GRM4: variants seen among roughly 807,000 people sequenced by gnomAD.
GRM4 encodes glutamate metabotropic receptor 4, also known as metabotropic glutamate receptor 4.
GRM4 carries 28 observed loss-of-function variants against 81.7 expected under a neutral mutation model. That is an observed-to-expected ratio of 0.34 (90% CI 0.25 to 0.47). The LOEUF (loss-of-function observed/expected upper bound fraction) is 0.47, where lower values mean the gene tolerates loss of function less well. Ranked by LOEUF, GRM4 falls within the 20% of genes least tolerant of loss-of-function variation. The pLI is 1.00. For missense variants in GRM4, 948 were observed against 1,290.0 expected (o/e 0.73, Z 4.06); for synonymous variants, 488 against 528.8 (o/e 0.92, Z 1.06).
At chr6:34,044,340 A>G (rs1322510295) in intron 6 of GRM4, among the ~76,000 whole-genome samples, 2 of 149,922 alleles carry the variant, frequency 1.3e-5, no homozygotes, top group African/African-American at 4.9e-5. Flanking sequence ...ACACAGACAT[A>G]CATACATACA....
intron 3 of GRM4, among the ~76,000 whole-genome samples, chr6:34,072,598 CCACACACA>C: frequency 6.9e-6 from 1 of 145,126 alleles, no homozygotes; most frequent in African/African-American, 2.7e-5. Flanking sequence ...CAGATACAGA[CCACACACA>C]CACACACACA....
chr6:34,127,947 G>C (rs180985346), intron 2 of GRM4, among the ~76,000 whole-genome samples: 4 of 152,260 alleles, frequency 2.6e-5, no homozygotes, highest in African/African-American at 9.6e-5. Flanking sequence ...CCATAGCCCC[G>C]GCTCCAGAAG....
At chr6:34,145,522 G>C (rs1770891498) in intron 1 of GRM4, among the ~76,000 whole-genome samples, 1 of 152,238 alleles carries the variant, frequency 6.6e-6, no homozygotes, top group Non-Finnish European at 1.5e-5. Context: ...CGGGCGCCTG[G>C]CGGCGCCGCA....
intron 10 of GRM4, among the ~76,000 whole-genome samples, chr6:34,024,024 C>T (rs149943252): frequency 3.3e-5 from 5 of 152,288 alleles, no homozygotes; most frequent in African/African-American, 9.6e-5. Context: ...CCCTGACCCT[C>T]GGTCAGGATC....
intron 1 of GRM4, among the ~76,000 whole-genome samples, chr6:34,144,677 G>A (rs890241471): frequency 3.9e-5 from 6 of 152,050 alleles, no homozygotes; most frequent in Admixed American, 1.3e-4. Context: ...AGACTGCCGG[G>A]AAGAGGTGCA....
chr6:34,100,232 G>A, intron 2 of GRM4: 1 of 159,780 alleles, frequency 6.3e-6, no homozygotes, highest in Non-Finnish European at 1.3e-5. Flanking sequence ...TGCCACCCCA[G>A]GGCCCTTGGC....
intron 1 of GRM4, among the ~76,000 whole-genome samples, chr6:34,139,779 C>T (rs1409451735): frequency 2.6e-5 from 4 of 152,338 alleles, no homozygotes; most frequent in East Asian, 3.9e-4. Flanking sequence ...GAGTGGCACT[C>T]GGACCTCGCA....
chr6:34,043,794 C>G (rs1765128239), intron 6 of GRM4, among the ~76,000 whole-genome samples: 1 of 152,168 alleles, frequency 6.6e-6, no homozygotes, highest in South Asian at 2.1e-4. Flanking sequence ...AGCCCCCTCA[C>G]CAGGGTAACC....
chr6:34,038,122 G>A (rs1436714663), intron 8 of GRM4, among the ~76,000 whole-genome samples: 6 of 152,208 alleles, frequency 3.9e-5, no homozygotes, highest in Admixed American at 2.0e-4. Flanking sequence ...GAGGACACGG[G>A]GCGATGGTGA....
intron 1 of GRM4, among the ~76,000 whole-genome samples, chr6:34,134,280 C>T (rs937128919): frequency 2.0e-5 from 3 of 152,192 alleles, no homozygotes; most frequent in African/African-American, 7.2e-5. Context: ...GCCTGAGTCA[C>T]GCAGGGAGTG....
chr6:34,126,417 C>T (rs1369506724), intron 2 of GRM4, among the ~76,000 whole-genome samples: 2 of 152,132 alleles, frequency 1.3e-5, no homozygotes, highest in Non-Finnish European at 2.9e-5. Flanking sequence ...CAGCCCCCAC[C>T]CCCAACATTT....
At chr6:34,094,847 GC>G (rs535286371) in intron 2 of GRM4, among the ~76,000 whole-genome samples, 1 of 152,196 alleles carries the variant, frequency 6.6e-6, no homozygotes, top group African/African-American at 2.4e-5. Context: ...GGAAACAGAG[GC>G]CCCCCCAAGA....
chr6:34,116,858 A>G (rs1269802926), intron 2 of GRM4, among the ~76,000 whole-genome samples: 1 of 152,230 alleles, frequency 6.6e-6, no homozygotes, highest in Non-Finnish European at 1.5e-5. Context: ...GCAAACCACC[A>G]ACAGACCCAA....
At chr6:34,076,871 A>G (rs980087454) in intron 3 of GRM4, among the ~76,000 whole-genome samples, 4 of 151,930 alleles carry the variant, frequency 2.6e-5, no homozygotes, top group African/African-American at 9.7e-5. Flanking sequence ...TTGCTTGGCT[A>G]GATGGGGGAC....
chr6:34,131,415 C>T (rs1163517176), intron 2 of GRM4, among the ~76,000 whole-genome samples: 6 of 152,242 alleles, frequency 3.9e-5, no homozygotes, highest in Admixed American at 3.9e-4. Flanking sequence ...TCATCCAACT[C>T]ATCAAGTAAA....
At chr6:34,145,750 C>T (rs1325456823) in intron 1 of GRM4, among the ~76,000 whole-genome samples, 1 of 152,200 alleles carries the variant, frequency 6.6e-6, no homozygotes, top group African/African-American at 2.4e-5. Flanking sequence ...GGCACGAGAC[C>T]AATCCGGCAA....
At position 34,074,252 on chromosome 6, in the gene GRM4, T is replaced by C. The variant is rs1430930484; in HGVS notation, c.737-12224A>G. On this transcript the variant is annotated intron_variant, in intron 3 of 10. Coordinates refer to ENST00000538487, the MANE Select transcript of GRM4 (RefSeq NM_000841.4). The surrounding 1 kb of genome is among the most constrained non-coding windows in gnomAD (Gnocchi z 4.9). ...CTACTGCTTCGTGATGAAAGCCACG[T>C]TGCCCACTCTCCAACCCTCCATTTC... 6.6e-6 allele frequency among the ~76,000 whole-genome samples: 1 copy of C among 152,222 alleles called. No individual in the cohort carries two copies. The highest frequency in any genetic ancestry group is 2.4e-5 in the African/African-American group (1 of 41,460).
intron 10 of GRM4, among the ~76,000 whole-genome samples, chr6:34,023,891 G>GGCC (rs1330568325): frequency 6.6e-6 from 1 of 152,240 alleles, no homozygotes; most frequent in East Asian, 1.9e-4. Context: ...CTCCCTCAGT[G>GGCC]GCCTGGGAGC....
At chr6:34,058,845 G>C (rs1294308566) in intron 5 of GRM4, 129 bp downstream of exon 5, 2 of 720,324 alleles carry the variant, frequency 2.8e-6, no homozygotes, top group Non-Finnish European at 4.6e-6. Context: ...AACATAAGAG[G>C]CTGTGGGCCA....
Sources: allele counts gnomAD v4.1 joint callset (sites outside exome capture counted in the v4.1 genomes callset), GRCh38; gene constraint gnomAD v4.1.1; non-coding constraint Gnocchi (gnomAD v3.1); transcripts MANE v1.5; gene names NCBI Gene and HGNC (gene_info 2026-07-23, HGNC 2026-07-21).